The following MTMR10 variants were observed in gnomAD, a reference collection of about 807,000 sequenced individuals.
The protein encoded by MTMR10 is myotubularin-related protein 10.
A neutral mutation model predicts 88.1 loss-of-function variants in MTMR10; 56 were observed. That is an observed-to-expected ratio of 0.64 (90% CI 0.51 to 0.79). The LOEUF (loss-of-function observed/expected upper bound fraction) is 0.79, where lower values mean the gene tolerates loss of function less well. Ranked by LOEUF, MTMR10 falls within the 30% of genes least tolerant of loss-of-function variation. The pLI is 0.00. For missense variants in MTMR10, 883 were observed against 924.7 expected (o/e 0.95, Z 0.58); for synonymous variants, 380 against 340.9 (o/e 1.11, Z -1.26).
chr15:30,965,307 A>ATT (rs2063460007), intron 6 of MTMR10, among the ~76,000 whole-genome samples: 1 of 152,250 alleles, frequency 6.6e-6, no homozygotes, highest in South Asian at 2.1e-4. Flanking sequence ...AAAGGATAAA[A>ATT]TTAAATGTCA....
At chr15:30,976,559 C>T (rs1184510073) in intron 3 of MTMR10, among the ~76,000 whole-genome samples, 1 of 152,154 alleles carries the variant, frequency 6.6e-6, no homozygotes, top group East Asian at 1.9e-4. Context: ...GGAATAACTT[C>T]CTTAATGAAA....
chr15:30,931,171 C>T, the MTMR10 span, among the ~76,000 whole-genome samples: 1 of 152,180 alleles, frequency 6.6e-6, no homozygotes, highest in South Asian at 2.1e-4. Flanking sequence ...TCTCATGTAC[C>T]CCATAAATAT....
At chr15:30,964,315 A>G (rs924928120) in intron 6 of MTMR10, among the ~76,000 whole-genome samples, 1 of 152,256 alleles carries the variant, frequency 6.6e-6, no homozygotes, top group African/African-American at 2.4e-5. Context: ...TGCAGACTTT[A>G]ATAAGCTAGG....
Position 30,941,217 on chromosome 15 carries a change from A to C in MTMR10, c.*253T>G. 1 of 1,392,806 alleles carries C rather than the reference A, an allele frequency of 7.2e-7. No homozygotes were observed. The highest frequency in any genetic ancestry group is 9.5e-7 in the Non-Finnish European group (1 of 1,056,992). 86.3% of individuals were successfully genotyped at this position (1,392,806 alleles called of 1,614,324 possible). On this transcript the variant is annotated 3_prime_UTR_variant, in exon 16 of 16. Transcript: ENST00000435680. Reference sequence around the variant, plus strand: ...GGATGGAGACAAAAATGTAGCAGACAACATGAACAGTTTGATCACGGTTAC... The same window carrying C: ...GGATGGAGACAAAAATGTAGCAGACCACATGAACAGTTTGATCACGGTTAC...
rs1258439647 is a variant in MTMR10 at position 30,991,580 on chromosome 15, C to T, written c.-74G>A. On this transcript the variant is annotated 5_prime_UTR_variant, in exon 1 of 16. Transcript: ENST00000435680. ...CCGACGCCTCCGGGCGTAAAGCTCTCAGTGCGGCCGCCCAGGCCCTTTCTG... is the reference window on the plus strand; with the variant it reads ...CCGACGCCTCCGGGCGTAAAGCTCTTAGTGCGGCCGCCCAGGCCCTTTCTG... 6.7e-7 allele frequency: 1 copy of T among 1,497,672 alleles called. No homozygotes were observed. Among genetic ancestry groups the T allele is most frequent in the African/African-American group, 1.5e-5 (1 of 67,710 alleles). The allele number at this position is 1,497,672 out of a possible 1,614,324, so 92.8% of individuals were successfully genotyped here. A position where few individuals can be genotyped will look rare whatever the true frequency, so the allele number is the denominator to read the frequency against.
chr15:30,927,005 T>C, the MTMR10 span: 1 of 985,434 alleles, frequency 1.0e-6, no homozygotes, highest in Non-Finnish European at 1.2e-6. Context: ...ATGCACAGCA[T>C]GGACCACTTA....
chr15:30,975,465 CT>C (rs1177636549), intron 3 of MTMR10, among the ~76,000 whole-genome samples: 1 of 151,938 alleles, frequency 6.6e-6, no homozygotes, highest in Non-Finnish European at 1.5e-5. Context: ...TATCAATCTG[CT>C]GTCAGTAGGG....
Position 30,989,358 on chromosome 15 carries a change from TTA to T in MTMR10, c.121+1417_121+1418del, listed in dbSNP as rs764489009. 5.9e-5 allele frequency among the ~76,000 whole-genome samples: 9 copies of T among 152,276 alleles called. No homozygotes were observed. The East Asian group carries it at 1.5e-3, about 26-fold the overall frequency. On this transcript the variant is annotated intron_variant, in intron 2 of 15. Coordinates refer to ENST00000435680, the MANE Select transcript of MTMR10 (RefSeq NM_017762.3). The stretch of plus-strand genomic sequence containing the variant: ...CACTAACAAAATCAAGGGAAAATAT[TTA>T]TGACTCCCATAGTAAAGTTTAAAAA...
intron 14 of MTMR10, chr15:30,946,242 A>G (rs2063169436): frequency 6.5e-6 from 1 of 152,894 alleles, no homozygotes. Flanking sequence ...ATACCAACAA[A>G]TCCAGAATAA....
chr15:30,980,710 G>T (rs1282080344), intron 2 of MTMR10, among the ~76,000 whole-genome samples: 2 of 151,980 alleles, frequency 1.3e-5, no homozygotes, highest in African/African-American at 2.4e-5. Flanking sequence ...GTAGCCTCTG[G>T]TAATGCCAGA....
At chr15:30,922,302 G>T in the MTMR10 span, 2 of 1,613,928 alleles carry the variant, frequency 1.2e-6, no homozygotes. Flanking sequence ...AGAGGCCGAT[G>T]GTGGGATCGA....
chr15:30,944,528 T>C (rs2063139013), intron 14 of MTMR10, among the ~76,000 whole-genome samples: 1 of 148,458 alleles, frequency 6.7e-6, no homozygotes, highest in Non-Finnish European at 1.5e-5. Flanking sequence ...ATCATGCCAC[T>C]GTGCTCCAGC....
At position 30,939,854 on chromosome 15, in the gene MTMR10, T is replaced by G. The variant is rs1046389876; in HGVS notation, c.*1616A>C. ...AAAATGTTTAATAATTCTATTTGTA[T>G]AAACTGAAACTAGCCCTTATTTTCT... On this transcript the variant is annotated 3_prime_UTR_variant, in exon 16 of 16. Transcript: ENST00000435680. 11 of 985,224 alleles carry G rather than the reference T, an allele frequency of 1.1e-5. No individual in the cohort carries two copies. Among genetic ancestry groups the G allele is most frequent in the Non-Finnish European group, 1.3e-5 (11 of 829,812 alleles). The allele number at this position is 985,224 out of a possible 1,614,324, so 61.0% of individuals were successfully genotyped here.
intron 9 of MTMR10, chr15:30,956,241 A>G (rs1041461926): frequency 2.0e-5 from 3 of 152,190 alleles, no homozygotes; most frequent in African/African-American, 7.2e-5. Context: ...ATATGCTCCC[A>G]TTTCATTAAA....
downstream of MTMR10, among the ~76,000 whole-genome samples, chr15:30,938,597 TAGAA>T (rs2062935094): frequency 6.6e-6 from 1 of 152,132 alleles, no homozygotes; most frequent in Admixed American, 6.5e-5. Flanking sequence ...GGGGGTGTGG[TAGAA>T]AGGTGATTTA....
intron 14 of MTMR10, among the ~76,000 whole-genome samples, chr15:30,945,983 G>T (rs1384744558): frequency 6.6e-6 from 1 of 152,186 alleles, no homozygotes; most frequent in Admixed American, 6.5e-5. Flanking sequence ...GAGACAGGCT[G>T]ACGGTGTTGA....
chr15:30,940,006 G>T lies in MTMR10; in HGVS notation c.*1464C>A. 1 of 976,144 alleles carries T rather than the reference G, an allele frequency of 1.0e-6. No individual in the cohort carries two copies. The highest frequency in any genetic ancestry group is 1.2e-6 in the Non-Finnish European group (1 of 821,592). 60.5% of individuals were successfully genotyped at this position (976,144 alleles called of 1,614,324 possible). A position where few individuals can be genotyped will look rare whatever the true frequency, so the allele number is the denominator to read the frequency against. ...TTTTAAAAGGCAAATAATTCAAAAA[G>T]AAACAGCTATTCAGTACATATAAAG... On this transcript the variant is annotated 3_prime_UTR_variant, in exon 16 of 16. Coordinates refer to ENST00000435680, the MANE Select transcript of MTMR10 (RefSeq NM_017762.3).
At position 30,939,978 on chromosome 15, in the gene MTMR10, A is replaced by T; in HGVS notation, c.*1492T>A. 1 of 981,072 alleles carries T rather than the reference A, an allele frequency of 1.0e-6. No homozygotes were observed. Among genetic ancestry groups the T allele is most frequent in the South Asian group, 4.7e-5 (1 of 21,198 alleles). 60.8% of individuals were successfully genotyped at this position (981,072 alleles called of 1,614,324 possible). A position where few individuals can be genotyped will look rare whatever the true frequency, so the allele number is the denominator to read the frequency against. ...TCCTGTTATATCCAGAGACATTATC[A>T]AATTTTAAAAGGCAAATAATTCAAA... On this transcript the variant is annotated 3_prime_UTR_variant, in exon 16 of 16. Coordinates refer to ENST00000435680, the MANE Select transcript of MTMR10 (RefSeq NM_017762.3).
At chr15:30,954,510 TCTC>T (rs1331313025) in intron 10 of MTMR10, among the ~76,000 whole-genome samples, 11 of 152,164 alleles carry the variant, frequency 7.2e-5, no homozygotes, top group Admixed American at 7.2e-4. Context: ...ATAAAAGTAT[TCTC>T]CTATACCTTT....
Sources: allele counts gnomAD v4.1 joint callset (sites outside exome capture counted in the v4.1 genomes callset), GRCh38; gene constraint gnomAD v4.1.1; transcripts MANE v1.5; gene names NCBI Gene and HGNC (gene_info 2026-07-23, HGNC 2026-07-21).